Variants in TTC28 observed in about 807,000 individuals in gnomAD.
TTC28 encodes the protein tetratricopeptide repeat protein 28.
TTC28 carries 61 observed loss-of-function variants against 198.0 expected under a neutral mutation model. The ratio of observed to expected loss-of-function variants is 0.31; its 90% confidence interval spans 0.25 to 0.38. TTC28 has a LOEUF of 0.38. TTC28 is among the 10% of genes least tolerant of loss of function. The pLI, the probability that TTC28 is intolerant of heterozygous loss-of-function variation, is 1.00. For synonymous variants in TTC28, 1,171 were observed against 1,297.8 expected, an observed-to-expected ratio of 0.90 and a Z score of 2.10; for missense variants, 2,678 against 3,164.0, an observed-to-expected ratio of 0.85 and a Z score of 3.69.
intron 12 of TTC28, among the ~76,000 whole-genome samples, chr22:28,074,747 C>G (rs755759370): frequency 2.4e-5 from 3 of 123,180 alleles, no homozygotes; most frequent in Non-Finnish European, 3.7e-5. Flanking sequence ...ACCAGATTAT[C>G]CCCCCCCATG....
chr22:28,527,087 G>GA (rs1451141241), intron 2 of TTC28, among the ~76,000 whole-genome samples: 1 of 152,066 alleles, frequency 6.6e-6, no homozygotes, highest in Non-Finnish European at 1.5e-5. Context: ...GTTGCACAGG[G>GA]AATCAGTAGT....
chr22:28,078,077 C>G (rs1941225089), intron 12 of TTC28, among the ~76,000 whole-genome samples: 1 of 152,204 alleles, frequency 6.6e-6, no homozygotes, highest in Non-Finnish European at 1.5e-5. Context: ...ATCTACGCCT[C>G]TTTTGATCTG....
rs560212522 is a variant in TTC28, at chr22:28,215,986, C to T, written c.934-52387G>A. 8.0e-4 allele frequency among the ~76,000 whole-genome samples: 122 copies of T among 152,236 alleles called. 1 individual carries two copies. The highest frequency in any genetic ancestry group is 1.5e-3 in the Non-Finnish European group (102 of 68,018). On this transcript the variant is annotated intron_variant, in intron 5 of 22. Transcript: ENST00000397906. Reference sequence around the variant, plus strand: ...ACCAAAAAGTACTGTGAATGAAAAGCATCCTACACCATGTTACAGACATTT... The same window carrying T: ...ACCAAAAAGTACTGTGAATGAAAAGTATCCTACACCATGTTACAGACATTT...
intron 5 of TTC28, among the ~76,000 whole-genome samples, chr22:28,231,903 T>C (rs904080801): frequency 7.2e-5 from 11 of 152,238 alleles, no homozygotes; most frequent in African/African-American, 2.4e-4. Flanking sequence ...TCTGATTTGA[T>C]ACAAGCCTTA....
At chr22:28,145,329 A>G (rs547469592) in intron 6 of TTC28, among the ~76,000 whole-genome samples, 1 of 152,296 alleles carries the variant, frequency 6.6e-6, no homozygotes, top group African/African-American at 2.4e-5. Context: ...AGGGTCATGC[A>G]AAAGGTAAGA....
chr22:28,580,279 T>G (rs1446980891), intron 2 of TTC28, among the ~76,000 whole-genome samples: 2 of 152,202 alleles, frequency 1.3e-5, no homozygotes, highest in Non-Finnish European at 2.9e-5. Flanking sequence ...TAAGGTACCA[T>G]ACCATCTTTT....
rs1447583999 is a variant in TTC28, at chr22:28,014,405, G to C, written c.4074-13C>G. On this transcript the variant is annotated splice_polypyrimidine_tract_variant and intron_variant, in intron 13 of 22. Transcript: ENST00000397906. Reference sequence around the variant, plus strand: ...GCTCTGGCAGCTCCTGGGGAGGGAAGGGCCGAGGGATCAATCAGGGCCACT... The same window carrying C: ...GCTCTGGCAGCTCCTGGGGAGGGAACGGCCGAGGGATCAATCAGGGCCACT... 6.5e-7 allele frequency: 1 copy of C among 1,545,028 alleles called. No individual in the cohort carries two copies. Among genetic ancestry groups the C allele is most frequent in the East Asian group, 2.4e-5 (1 of 40,856 alleles).
At chr22:28,558,241 T>C (rs2049815073) in intron 2 of TTC28, among the ~76,000 whole-genome samples, 1 of 152,216 alleles carries the variant, frequency 6.6e-6, no homozygotes, top group South Asian at 2.1e-4. Flanking sequence ...ATGGACTAAT[T>C]TAACATTTAT....
intron 2 of TTC28, among the ~76,000 whole-genome samples, chr22:28,554,831 A>T (rs1482783974): frequency 6.6e-6 from 1 of 151,852 alleles, no homozygotes; most frequent in Non-Finnish European, 1.5e-5. Flanking sequence ...AGATTGTACC[A>T]CTCTACTCCA....
At chr22:28,590,349 T>C (rs2050405824) in intron 2 of TTC28, among the ~76,000 whole-genome samples, 1 of 151,998 alleles carries the variant, frequency 6.6e-6, no homozygotes, top group Non-Finnish European at 1.5e-5. Context: ...CAGGATGGTC[T>C]CAATCTCCTG....
At chr22:28,528,441 C>A in intron 2 of TTC28, among the ~76,000 whole-genome samples, 1 of 151,770 alleles carries the variant, frequency 6.6e-6, no homozygotes, top group Non-Finnish European at 1.5e-5. Context: ...CTTAAAAACC[C>A]AGTGTAGGCC....
intron 12 of TTC28, among the ~76,000 whole-genome samples, chr22:28,093,153 T>C (rs1379513620): frequency 6.6e-6 from 1 of 152,168 alleles, no homozygotes. Flanking sequence ...AATTATTCAA[T>C]AATCATTTTT....
chr22:28,081,566 C>T (rs1452243941), intron 12 of TTC28, among the ~76,000 whole-genome samples: 1 of 150,772 alleles, frequency 6.6e-6, no homozygotes, highest in African/African-American at 2.4e-5. Flanking sequence ...GATCTTGGCT[C>T]ACTGCAACCT....
intron 1 of TTC28, among the ~76,000 whole-genome samples, chr22:28,656,387 A>C (rs539305099): frequency 6.6e-6 from 1 of 152,322 alleles, no homozygotes; most frequent in South Asian, 2.1e-4. Flanking sequence ...GCAGAGAGGA[A>C]GGCCATGACG....
At chr22:28,486,164 T>A (rs1601457696) in intron 2 of TTC28, among the ~76,000 whole-genome samples, 1 of 152,138 alleles carries the variant, frequency 6.6e-6, no homozygotes, top group African/African-American at 2.4e-5. Flanking sequence ...TTTTGTCTTG[T>A]CTAAAGTATA....
intron 2 of TTC28, among the ~76,000 whole-genome samples, chr22:28,381,971 C>T (rs1052928027): frequency 1.3e-5 from 2 of 152,092 alleles, no homozygotes; most frequent in African/African-American, 2.4e-5. Context: ...GCCAATTCCT[C>T]GGCAAATAGG....
chr22:28,587,239 A>G (rs2050334817), intron 2 of TTC28, among the ~76,000 whole-genome samples: 1 of 152,138 alleles, frequency 6.6e-6, no homozygotes, highest in Non-Finnish European at 1.5e-5. Flanking sequence ...CACATCTGTA[A>G]TCTCATCCAC....
intron 2 of TTC28, among the ~76,000 whole-genome samples, chr22:28,616,759 A>T (rs2050910789): frequency 6.6e-6 from 1 of 151,988 alleles, no homozygotes; most frequent in Non-Finnish European, 1.5e-5. Context: ...AGGCAGAAGG[A>T]TCACTTAAGC....
chr22:28,078,346 C>T (rs896411639), intron 12 of TTC28, among the ~76,000 whole-genome samples: 3 of 152,088 alleles, frequency 2.0e-5, no homozygotes, highest in African/African-American at 4.8e-5. Context: ...CCAGCATGAA[C>T]GGAGTCTGCT....
Sources: allele counts gnomAD v4.1 joint callset (sites outside exome capture counted in the v4.1 genomes callset), GRCh38; gene constraint gnomAD v4.1.1; transcripts MANE v1.5; gene names NCBI Gene and HGNC (gene_info 2026-07-23, HGNC 2026-07-21).